RAVER2: variants seen among roughly 807,000 people sequenced by gnomAD.
RAVER2 encodes the protein ribonucleoprotein PTB-binding 2.
In RAVER2, 46 loss-of-function variants were observed where a neutral mutation model predicts 78.1. The ratio of observed to expected loss-of-function variants is 0.59; its 90% CI spans 0.46 to 0.75. The LOEUF (loss-of-function observed/expected upper bound fraction) is 0.75, where lower values mean the gene tolerates loss of function less well. Among genes scored for constraint, RAVER2 ranks in the 30% least tolerant of loss-of-function variants. The pLI is 0.00. For missense variants in RAVER2, 793 were observed against 837.5 expected (o/e 0.95, Z 0.66); for synonymous variants, 311 against 313.3 (o/e 0.99, Z 0.08).
At chr1:64,765,906 A>G (rs1652162267) in intron 1 of RAVER2, among the ~76,000 whole-genome samples, 1 of 152,228 alleles carries the variant, frequency 6.6e-6, no homozygotes, top group African/African-American at 2.4e-5. Flanking sequence ...ACTGAAACTA[A>G]GTCTGTGAAG....
intron 1 of RAVER2, among the ~76,000 whole-genome samples, chr1:64,756,097 T>C (rs1651850707): frequency 6.6e-6 from 1 of 152,182 alleles, no homozygotes; most frequent in Non-Finnish European, 1.5e-5. Context: ...TTGCACTTTT[T>C]GTAGAATGTC....
chr1:64,828,160 C>A (rs1466104669), intron 11 of RAVER2, among the ~76,000 whole-genome samples: 1 of 125,718 alleles, frequency 8.0e-6, no homozygotes, highest in East Asian at 2.9e-4. Context: ...CAAACCCACC[C>A]CCCCCACCCC....
At chr1:64,763,720 G>A (rs1180710656) in intron 1 of RAVER2, among the ~76,000 whole-genome samples, 2 of 151,964 alleles carry the variant, frequency 1.3e-5, no homozygotes, top group Non-Finnish European at 2.9e-5. Flanking sequence ...TGGCCAACAT[G>A]GAGAAACCCT....
At chr1:64,778,768 T>C (rs1359036136) in intron 3 of RAVER2, among the ~76,000 whole-genome samples, 1 of 149,228 alleles carries the variant, frequency 6.7e-6, no homozygotes, top group East Asian at 1.9e-4. Flanking sequence ...CAATTATTTC[T>C]CTCTTGTTTC....
intron 11 of RAVER2, among the ~76,000 whole-genome samples, chr1:64,825,617 G>C (rs1459963115): frequency 6.6e-6 from 1 of 152,176 alleles, no homozygotes; most frequent in Non-Finnish European, 1.5e-5. Context: ...GGATAGTCAA[G>C]ATTCCCCTTT....
intron 1 of RAVER2, among the ~76,000 whole-genome samples, chr1:64,766,703 T>G (rs1652184615): frequency 6.6e-6 from 1 of 152,192 alleles, no homozygotes; most frequent in South Asian, 2.1e-4. Context: ...GTATCATGTT[T>G]TCTTTATCTA....
chr1:64,748,870 C>T (rs1306256417), intron 1 of RAVER2, among the ~76,000 whole-genome samples: 5 of 152,144 alleles, frequency 3.3e-5, no homozygotes, highest in Admixed American at 3.3e-4. Context: ...CAGGGACTTG[C>T]TCTGTCACCT....
chr1:64,756,388 T>C (rs1327130318), intron 1 of RAVER2, among the ~76,000 whole-genome samples: 1 of 152,188 alleles, frequency 6.6e-6, no homozygotes, highest in Non-Finnish European at 1.5e-5. Context: ...TTTATGGCAA[T>C]ATAGGCTCAT....
At chr1:64,823,932 G>A (rs891668735) in intron 11 of RAVER2, among the ~76,000 whole-genome samples, 21 of 150,808 alleles carry the variant, frequency 1.4e-4, no homozygotes, top group African/African-American at 3.4e-4. Context: ...TCAGCGTCCC[G>A]AGTAGCTCGA....
intron 1 of RAVER2, among the ~76,000 whole-genome samples, chr1:64,759,369 C>T (rs544056835): frequency 5.7e-4 from 86 of 151,222 alleles, no homozygotes; most frequent in African/African-American, 1.3e-3. Context: ...ACAAGGCGCC[C>T]GCCACCACGC....
chr1:64,796,700 A>G (rs749143930), intron 5 of RAVER2, among the ~76,000 whole-genome samples: 23 of 152,114 alleles, frequency 1.5e-4, no homozygotes, highest in Non-Finnish European at 3.1e-4. Flanking sequence ...GATTTTTCCA[A>G]AGAGCTAGCT....
chr1:64,825,583 CAT>C (rs2100903241), intron 11 of RAVER2, among the ~76,000 whole-genome samples: 1 of 152,360 alleles, frequency 6.6e-6, no homozygotes, highest in East Asian at 1.9e-4. Context: ...TTGACATTAA[CAT>C]ATCCCAAAGG....
intron 11 of RAVER2, among the ~76,000 whole-genome samples, chr1:64,817,600 A>T (rs1653785034): frequency 6.6e-6 from 1 of 152,052 alleles, no homozygotes; most frequent in South Asian, 2.1e-4. Flanking sequence ...CATGTCCTTT[A>T]TAGGGACATG....
chr1:64,809,079 T>A (rs907127552), intron 9 of RAVER2, among the ~76,000 whole-genome samples: 6 of 152,282 alleles, frequency 3.9e-5, no homozygotes, highest in Non-Finnish European at 5.9e-5. Context: ...TTGTTAAAGC[T>A]ATTTAAAGAG....
rs1195472979 is a variant in RAVER2 at position 64,776,696 on chromosome 1, G to T, written c.317-927G>T. ...GCAATTTATTTGTAATTTGTGGATT[G>T]CTATGTATTTTTTAATGGGGGCTTT... On this transcript the variant is annotated intron_variant, in intron 2 of 11. Transcript: ENST00000294428. 2.0e-5 allele frequency among the ~76,000 whole-genome samples: 3 copies of T among 149,994 alleles called. No homozygotes were observed. The East Asian group carries it at 6.2e-4, about 31-fold the overall frequency.
chr1:64,831,063 A>C, exon 12 of RAVER2: 1 of 1,425,866 alleles, frequency 7.0e-7, no homozygotes. Context: ...CTTCATTCAA[A>C]CTAGCCATAT....
At chr1:64,778,561 G>A (rs1021604292) in intron 3 of RAVER2, among the ~76,000 whole-genome samples, 3 of 152,100 alleles carry the variant, frequency 2.0e-5, no homozygotes, top group Admixed American at 2.0e-4. Context: ...AAAGTACTAT[G>A]AAGTTTAAAA....
At chr1:64,830,776 ATATCTT>A in intron 11 of RAVER2, 57 bp from the exon 12 acceptor site, 1 of 1,401,162 alleles carries the variant, frequency 7.1e-7, no homozygotes. Context: ...TTTCTTATAA[ATATCTT>A]TAATGAATAA....
intron 5 of RAVER2, among the ~76,000 whole-genome samples, chr1:64,793,497 A>G (rs1653001115): frequency 1.3e-5 from 2 of 152,226 alleles, no homozygotes; most frequent in Admixed American, 1.3e-4. Flanking sequence ...TTCCTAATTT[A>G]ACTGTTGTGT....
Sources: gnomAD v4.1 joint callset for allele counts (sites outside exome capture counted in the v4.1 genomes callset) on GRCh38, gnomAD v4.1.1 for gene constraint, MANE v1.5 for transcripts, NCBI Gene and HGNC (gene_info 2026-07-23, HGNC 2026-07-21) for gene names.